NWD1: variants seen among roughly 807,000 people sequenced by gnomAD.
NWD1 encodes the protein NACHT and WD repeat domain containing 1.
NWD1 carries 129 observed loss-of-function variants against 135.1 expected under a neutral mutation model. That is an observed-to-expected ratio of 0.96 (90% confidence interval 0.83 to 1.11). The LOEUF (loss-of-function observed/expected upper bound fraction) is 1.11. Ranked by LOEUF, NWD1 falls within the 50% of genes least tolerant of loss-of-function variation. NWD1 has a pLI of 0.00. For synonymous variants in NWD1, 773 were observed against 786.0 expected (o/e 0.98, Z 0.28); for missense variants, 1,740 against 1,851.3 (o/e 0.94, Z 1.10).
chr19:16,753,932 A>G (rs184189691), intron 6 of NWD1, among the ~76,000 whole-genome samples: 142 of 145,598 alleles, frequency 9.8e-4, no homozygotes, highest in Non-Finnish European at 1.7e-3. Flanking sequence ...CATCATCTCA[A>G]TCCTCCATCC....
rs530478391 is a variant in NWD1, at chr19:16,760,683, C to G, written c.1973+1255C>G. 4.6e-5 allele frequency among the ~76,000 whole-genome samples: 7 copies of G among 152,204 alleles called. No individual in the cohort carries two copies. The East Asian group carries it at 1.4e-3, about 29-fold the overall frequency. On this transcript the variant is annotated intron_variant, in intron 7 of 18. Coordinates refer to ENST00000524140, the MANE Select transcript of NWD1 (RefSeq NM_001007525.5). ...TTGGCTCACTGCAACCTCTGCCTCC[C>G]AGGTTTCAGCGATTCTCCTGCCTTA...
At chr19:16,740,869 T>C (rs1201814605) in intron 4 of NWD1, among the ~76,000 whole-genome samples, 1 of 151,900 alleles carries the variant, frequency 6.6e-6, no homozygotes, top group Non-Finnish European at 1.5e-5. Flanking sequence ...CAGAATCTTG[T>C]GCAGGGGGGC....
At chr19:16,806,961 G>A (rs1970763840) in intron 17 of NWD1, among the ~76,000 whole-genome samples, 2 of 152,122 alleles carry the variant, frequency 1.3e-5, no homozygotes, top group South Asian at 4.1e-4. Flanking sequence ...AGGTTACAGT[G>A]AGCCGAGATT....
intron 7 of NWD1, among the ~76,000 whole-genome samples, chr19:16,761,159 T>A (rs1326946882): frequency 6.6e-6 from 1 of 152,186 alleles, no homozygotes; most frequent in Non-Finnish European, 1.5e-5. Context: ...CATTATGTTC[T>A]CAGGGCTCAT....
chr19:16,776,021 T>C (rs2122966204), intron 11 of NWD1, among the ~76,000 whole-genome samples: 1 of 152,274 alleles, frequency 6.6e-6, no homozygotes, highest in Admixed American at 6.6e-5. Flanking sequence ...ACCTGTAGGC[T>C]TTTGGGTTTT....
chr19:16,797,960 G>T (rs1970476599), intron 16 of NWD1, 74 bp downstream of exon 16: 1 of 1,448,176 alleles, frequency 6.9e-7, no homozygotes, highest in South Asian at 1.3e-5. Flanking sequence ...GGGATTTTTG[G>T]CTGCAAAATA....
At chr19:16,804,518 C>T (rs7245422) in intron 17 of NWD1, among the ~76,000 whole-genome samples, 8,935 of 151,406 alleles carry the variant, frequency 0.059, 402 homozygotes, top group African/African-American at 0.13. Context: ...TTGCTTGAGC[C>T]GTGGAGTTCA....
chr19:16,781,385 G>A (rs1383533010), intron 12 of NWD1, among the ~76,000 whole-genome samples: 1 of 152,132 alleles, frequency 6.6e-6, no homozygotes, highest in East Asian at 1.9e-4. Context: ...GGAGGCTGAG[G>A]CAGGCAGATC....
intron 18 of NWD1, 134 bp from the exon 19 acceptor site, chr19:16,814,894 C>A: frequency 1.4e-6 from 1 of 701,660 alleles, no homozygotes; most frequent in Non-Finnish European, 2.4e-6. Context: ...GACTCTTTGG[C>A]ATAATAAATG....
chr19:16,724,489 A>T (rs562030598), intron 2 of NWD1, 26 bp downstream of exon 2: 1 of 152,090 alleles, frequency 6.6e-6, no homozygotes, highest in Non-Finnish European at 1.5e-5. Flanking sequence ...CTCTGCCTCC[A>T]GCGGTGGTTT....
At chr19:16,813,688 G>T (rs1470871113) in intron 18 of NWD1, among the ~76,000 whole-genome samples, 2 of 150,674 alleles carry the variant, frequency 1.3e-5, no homozygotes, top group East Asian at 3.9e-4. Flanking sequence ...TGTTGGCCAG[G>T]CTGGTCTTGA....
At chr19:16,796,640 C>T (rs1427496159) in intron 15 of NWD1, among the ~76,000 whole-genome samples, 2 of 151,872 alleles carry the variant, frequency 1.3e-5, no homozygotes, top group East Asian at 3.9e-4. Flanking sequence ...ACTTTCTTTC[C>T]TCTTCTTCCT....
At chr19:16,811,781 C>A (rs547869039) in intron 18 of NWD1, among the ~76,000 whole-genome samples, 1 of 152,148 alleles carries the variant, frequency 6.6e-6, no homozygotes, top group East Asian at 1.9e-4. Context: ...CCCTGTGGGG[C>A]GCTTCAAAGC....
intron 18 of NWD1, among the ~76,000 whole-genome samples, chr19:16,811,963 C>T (rs1970938966): frequency 6.6e-6 from 1 of 152,150 alleles, no homozygotes; most frequent in Non-Finnish European, 1.5e-5. Flanking sequence ...TTGCAGTGAG[C>T]CGAGATCAGG....
At chr19:16,734,269 C>T (rs1967698209) in intron 3 of NWD1, among the ~76,000 whole-genome samples, 1 of 152,144 alleles carries the variant, frequency 6.6e-6, no homozygotes, top group South Asian at 2.1e-4. Context: ...GCTTTTCTGT[C>T]AGGGCGAGGT....
rs562902313 is a variant in NWD1, at chr19:16,794,276, G to A, written c.3214-187G>A. Among the ~76,000 whole-genome samples the A allele has an allele frequency of 7.9e-5, 12 of 152,264 alleles. No individual in the cohort carries two copies. The South Asian group carries it at 2.5e-3, about 32-fold the overall frequency. Reference sequence around the variant, plus strand: ...AGCTACTTGGGAGGCTGAGGCAGGGGAATTGCTTGAACCCGGGAGGCGGAG... The same window carrying A: ...AGCTACTTGGGAGGCTGAGGCAGGGAAATTGCTTGAACCCGGGAGGCGGAG... On this transcript the variant is annotated intron_variant, in intron 14 of 18. Transcript: ENST00000524140.
intron 2 of NWD1, among the ~76,000 whole-genome samples, chr19:16,730,139 T>C (rs1244656744): frequency 2.0e-5 from 3 of 151,468 alleles, no homozygotes; most frequent in Non-Finnish European, 4.4e-5. Flanking sequence ...CTGGCCAACA[T>C]GATGAAACCC....
In NWD1 at chr19:16,749,559, C is replaced by T. The variant is rs149694092; in HGVS notation, c.917C>T (p.Ser306Leu). ...QEIRHHLWQS[S>L]EVIQTFCGRQ... is the part of the protein sequence containing the mutation. ...ATCCGCCACCACCTTTGGCAGAGCT[C>T]GGAGGTCATTCAGACCTTCTGCGGA... Residue 306 changes from serine to leucine, a missense_variant, in exon 6 of 19, where the codon TCG becomes TTG. Physicochemically the swap from Ser to Leu is moderately radical, Grantham distance 145 (BLOSUM62 -2). Coordinates refer to ENST00000524140, the MANE Select transcript of NWD1 (RefSeq NM_001007525.5). The T allele has an allele frequency of 7.8e-4, 1,263 of 1,613,408 alleles. 9 individuals carry two copies. The highest frequency in any genetic ancestry group is 9.3e-4 in the Non-Finnish European group (1,094 of 1,179,476).
intron 13 of NWD1, among the ~76,000 whole-genome samples, chr19:16,790,027 G>A (rs1970188493): frequency 6.6e-6 from 1 of 152,132 alleles, no homozygotes; most frequent in East Asian, 1.9e-4. Flanking sequence ...TTGTTTTATA[G>A]TCTCTCTAAA....
Sources: gnomAD v4.1 joint callset for allele counts (sites outside exome capture counted in the v4.1 genomes callset) on GRCh38, gnomAD v4.1.1 for gene constraint, MANE v1.5 for transcripts, NCBI Gene and HGNC (gene_info 2026-07-23, HGNC 2026-07-21) for gene names.